SCML2: variants seen among roughly 807,000 people sequenced by gnomAD.
SCML2 encodes Scm polycomb group protein like 2.
Under a neutral mutation model 48.4 loss-of-function variants are expected in SCML2, and 6 were observed. The observed-to-expected ratio is 0.12, with a 90% CI of 0.07 to 0.24. The LOEUF is 0.24. SCML2 is among the 10% of genes least tolerant of loss of function. The probability of loss-of-function intolerance (pLI) is 1.00; values close to 1 mark genes in which losing one functional copy is unlikely to be tolerated. For synonymous variants in SCML2, 181 were observed against 189.5 expected (o/e 0.95, Z 0.37); for missense variants, 377 against 528.2 (o/e 0.71, Z 2.81).
intron 6 of SCML2, among the ~76,000 whole-genome samples, chrX:18,319,196 G>A (rs929237421): frequency 2.7e-5 from 3 of 111,380 alleles, no homozygotes; most frequent in Non-Finnish European, 5.7e-5. Context: ...TTCAAGACCA[G>A]CCAGGACAAC....
intron 11 of SCML2, among the ~76,000 whole-genome samples, chrX:18,250,353 T>C (rs937506980): frequency 3.5e-4 from 39 of 110,365 alleles, no homozygotes; most frequent in African/African-American, 1.2e-3. Flanking sequence ...GCTGGGATTA[T>C]AGGCACATGC....
intron 7 of SCML2, among the ~76,000 whole-genome samples, chrX:18,284,943 G>C (rs1927992768): frequency 9.0e-6 from 1 of 110,880 alleles, no homozygotes; most frequent in Admixed American, 9.5e-5. Flanking sequence ...GGGAGGCTGA[G>C]GCAGGAGAAT....
At chrX:18,337,974 A>G (rs1929886848) in intron 1 of SCML2, among the ~76,000 whole-genome samples, 1 of 112,264 alleles carries the variant, frequency 8.9e-6, no homozygotes, top group Non-Finnish European at 1.9e-5. Context: ...AAAACTCCCA[A>G]ATATTTGGAG....
intron 7 of SCML2, among the ~76,000 whole-genome samples, chrX:18,295,028 C>T (rs1437483729): frequency 9.0e-6 from 1 of 111,312 alleles, no homozygotes; most frequent in Non-Finnish European, 1.9e-5. Context: ...TGCGTACTTG[C>T]ACACTGGTTT....
At position 18,320,569 on chromosome X, in the gene SCML2, T is replaced by A. The variant is rs1202111834; in HGVS notation, c.398-149A>T. ...TTTGAACATGGGCAAGAGGAGCAGA[T>A]GTACCCTCCTCTCATTGCTAGTGTC... is the stretch of plus-strand genomic sequence containing the variant. On this transcript the variant is annotated intron_variant, in intron 5 of 14. Coordinates refer to ENST00000251900, the MANE Select transcript of SCML2 (RefSeq NM_006089.3). The A allele has an allele frequency of 2.4e-5, 9 of 372,365 alleles. No homozygotes were observed. In the East Asian group the frequency reaches 3.2e-4, roughly 13 times the overall value. The allele number at this position is 372,365 out of a possible 1,213,427, so 30.7% of individuals were successfully genotyped here.
At chrX:18,351,874 T>C (rs1324833546) in intron 1 of SCML2, among the ~76,000 whole-genome samples, 6 of 111,485 alleles carry the variant, frequency 5.4e-5, no homozygotes, top group African/African-American at 2.0e-4. Flanking sequence ...CTTCCTTAAA[T>C]GGAACAAGTG....
At chrX:18,354,224 C>A (rs1291323821) in intron 1 of SCML2, among the ~76,000 whole-genome samples, 1 of 113,355 alleles carries the variant, frequency 8.8e-6, no homozygotes, top group Non-Finnish European at 1.9e-5. Context: ...CACCGTGATG[C>A]CCCCCAGGCC....
chrX:18,290,356 T>G (rs1049483882), intron 7 of SCML2, among the ~76,000 whole-genome samples: 1 of 111,829 alleles, frequency 8.9e-6, no homozygotes, highest in Non-Finnish European at 1.9e-5. Context: ...ACTTTCCTGA[T>G]TCTAGGTTTT....
chrX:18,307,493 T>C (rs1023610046), intron 6 of SCML2, among the ~76,000 whole-genome samples: 1 of 111,670 alleles, frequency 9.0e-6, no homozygotes, highest in Non-Finnish European at 1.9e-5. Context: ...AAGTTTGTGC[T>C]AGATGCTCAC....
chrX:18,256,418 C>G (rs1926844927), intron 11 of SCML2, among the ~76,000 whole-genome samples: 1 of 111,664 alleles, frequency 9.0e-6, no homozygotes, highest in Non-Finnish European at 1.9e-5. Flanking sequence ...TGCCACTACA[C>G]TTCAGCCTGG....
intron 3 of SCML2, among the ~76,000 whole-genome samples, chrX:18,325,215 C>T (rs1929442570): frequency 9.0e-6 from 1 of 111,312 alleles, no homozygotes; most frequent in African/African-American, 3.3e-5. Flanking sequence ...AACCTAGATA[C>T]TCTCATTGTA....
rs192841018 is a variant in SCML2 at position 18,341,929 on chromosome X, T to C, written c.-24-7834A>G. ...TAAAGGGAAGAGAAGAGTACTATAA[T>C]CTATTGGTAAATGCTGGATAGCATC... On this transcript the variant is annotated intron_variant, in intron 1 of 14. Transcript: ENST00000251900. Among the ~76,000 whole-genome samples, 182 of 112,382 alleles carry C rather than the reference T, an allele frequency of 1.6e-3. 1 individual carries two copies. Among genetic ancestry groups the C allele is most frequent in the African/African-American group, 5.5e-3 (172 of 31,024 alleles).
At chrX:18,252,946 TCA>T (rs1285198971) in intron 11 of SCML2, among the ~76,000 whole-genome samples, 8 of 111,932 alleles carry the variant, frequency 7.1e-5, no homozygotes, top group Non-Finnish European at 1.5e-4. Context: ...CTGAAATCTC[TCA>T]CAGTCTCATG....
intron 2 of SCML2, among the ~76,000 whole-genome samples, chrX:18,333,246 C>T (rs932544135): frequency 9.1e-6 from 1 of 109,990 alleles, no homozygotes; most frequent in African/African-American, 3.3e-5. Context: ...CACTGCCCTC[C>T]AGCCTGGACA....
chrX:18,345,355 G>T (rs2147569328), intron 1 of SCML2, among the ~76,000 whole-genome samples: 1 of 111,599 alleles, frequency 9.0e-6, no homozygotes, highest in East Asian at 2.8e-4. Context: ...TAGGCTGCTT[G>T]TATCTAAACT....
At chrX:18,354,189 T>C (rs888094016) in intron 1 of SCML2, among the ~76,000 whole-genome samples, 2 of 113,000 alleles carry the variant, frequency 1.8e-5, no homozygotes, top group African/African-American at 6.4e-5. Flanking sequence ...AGGCAAAGTC[T>C]ACCTCCTTCC....
At chrX:18,325,079 C>G in intron 3 of SCML2, 102 bp from the exon 4 acceptor site, 1 of 343,985 alleles carries the variant, frequency 2.9e-6, no homozygotes, top group East Asian at 5.2e-5. Flanking sequence ...TTCCATGCCT[C>G]TTAAAAGAAA....
At chrX:18,308,399 G>C (rs1928837490) in intron 6 of SCML2, among the ~76,000 whole-genome samples, 1 of 107,941 alleles carries the variant, frequency 9.3e-6, no homozygotes, top group African/African-American at 3.4e-5. Context: ...CTACAGAAAG[G>C]GAGAAAGAAA....
chrX:18,294,619 C>T (rs1435247418), intron 7 of SCML2, among the ~76,000 whole-genome samples: 1 of 110,914 alleles, frequency 9.0e-6, no homozygotes, highest in Non-Finnish European at 1.9e-5. Flanking sequence ...CCAACAACCC[C>T]TACATCTCCA....
Sources: allele counts gnomAD v4.1 joint callset (sites outside exome capture counted in the v4.1 genomes callset), GRCh38; gene constraint gnomAD v4.1.1; transcripts MANE v1.5; gene names NCBI Gene and HGNC (gene_info 2026-07-23, HGNC 2026-07-21).